The following EYS variants were observed in gnomAD, a reference collection of about 807,000 sequenced individuals.
The protein encoded by EYS is EGF-like photoreceptor maintenance factor, also known as protein eyes shut homolog.
A neutral mutation model predicts 282.1 loss-of-function variants in EYS; 250 were observed. The ratio of observed to expected loss-of-function variants is 0.89; its 90% confidence interval spans 0.80 to 0.98. The LOEUF (loss-of-function observed/expected upper bound fraction) is 0.98, where lower values mean the gene tolerates loss of function less well. EYS is among the 50% of genes least tolerant of loss of function. EYS has a pLI of 0.00. For synonymous variants in EYS, 1,355 were observed against 1,282.9 expected, an observed-to-expected ratio of 1.06 and a Z score of -1.20; for missense variants, 4,016 against 3,709.0, an observed-to-expected ratio of 1.08 and a Z score of -2.15.
Position 63,967,773 on chromosome 6 carries a change from C to T in EYS, c.7055+16610G>A, listed in dbSNP as rs141828301. 3.9e-3 allele frequency among the ~76,000 whole-genome samples: 590 copies of T among 152,228 alleles called. 4 individuals carry two copies. Among genetic ancestry groups the T allele is most frequent in the African/African-American group, 0.013 (549 of 41,544 alleles). On this transcript the variant is annotated intron_variant, in intron 35 of 42. Transcript: ENST00000503581. ...ATTCTCTCTTTTTCAACATTCTGTG[C>T]AGATATAATAAAATGTCCTTGCATT...
At position 63,778,090 on chromosome 6, in the gene EYS, C is replaced by T; in HGVS notation, c.7814G>A (p.Ser2605Asn). 3 of 1,551,760 alleles carry T rather than the reference C, an allele frequency of 1.9e-6. No homozygotes were observed. In the South Asian group the frequency reaches 3.6e-5, roughly 18 times the overall value. The change falls in exon 40 of 43, where the codon AGT becomes AAT. Residue 2605 changes from serine (S) to asparagine (N), a missense_variant. Ser to Asn is a conservative substitution (Grantham distance 46). Coordinates refer to ENST00000503581, the MANE Select transcript of EYS (RefSeq NM_001142800.2). ...GGGAGAAGCATGACACTGGCCAACA[C>T]TGCGTCCAGCATTTGGGTGGCCCTC... is the stretch of plus-strand genomic sequence containing the variant. ...NPEGHPNAGR[S>N]VGQCHASPCS...
intron 22 of EYS, among the ~76,000 whole-genome samples, chr6:64,803,220 C>T (rs1455984108): frequency 6.6e-6 from 1 of 152,100 alleles, no homozygotes; most frequent in African/African-American, 2.4e-5. Context: ...AGCTCCTTTC[C>T]AGCTCTCTGC....
chr6:63,812,448 G>A lies in EYS; in HGVS notation c.7229-6076C>T, dbSNP rs544528954. On this transcript the variant is annotated intron_variant, in intron 36 of 42. Coordinates refer to ENST00000503581, the MANE Select transcript of EYS (RefSeq NM_001142800.2). ...CTTGTGCCCTGCCCTTCCCAACCCC[G>A]TACTCTCTAGTCTCTTAACCTGCTT... 4.6e-5 allele frequency among the ~76,000 whole-genome samples: 7 copies of A among 151,928 alleles called. No homozygotes were observed. In the East Asian group the frequency reaches 5.8e-4, roughly 13 times the overall value.
intron 2 of EYS, among the ~76,000 whole-genome samples, chr6:65,549,730 C>A (rs1269985846): frequency 6.6e-6 from 1 of 151,946 alleles, no homozygotes; most frequent in Non-Finnish European, 1.5e-5. Flanking sequence ...GGGCTTAATG[C>A]CTCAGCTCAT....
chr6:65,623,762 C>T (rs569345278), intron 2 of EYS, among the ~76,000 whole-genome samples: 1 of 152,280 alleles, frequency 6.6e-6, no homozygotes, highest in East Asian at 1.9e-4. Context: ...TGATGTCTAA[C>T]ATGCAGTAGA....
intron 1 of EYS, among the ~76,000 whole-genome samples, chr6:65,649,013 G>T (rs1767556856): frequency 6.6e-6 from 1 of 151,490 alleles, no homozygotes; most frequent in Non-Finnish European, 1.5e-5. Context: ...GGGCATGGTG[G>T]CACACACCTG....
intron 5 of EYS, among the ~76,000 whole-genome samples, chr6:65,458,492 C>A (rs1386654157): frequency 6.6e-6 from 1 of 152,072 alleles, no homozygotes; most frequent in Admixed American, 6.6e-5. Context: ...TACCTAAAAA[C>A]AGCATAATTT....
intron 30 of EYS, among the ~76,000 whole-genome samples, chr6:64,277,833 C>T (rs1452946055): frequency 2.6e-5 from 4 of 152,096 alleles, no homozygotes; most frequent in Admixed American, 1.3e-4. Flanking sequence ...GAGCAAATAG[C>T]ATCTAGTCTA....
chr6:63,899,461 T>C (rs1773610248), intron 35 of EYS, among the ~76,000 whole-genome samples: 1 of 152,202 alleles, frequency 6.6e-6, no homozygotes, highest in Admixed American at 6.5e-5. Flanking sequence ...TAAGGTACTT[T>C]ATGATATGAA....
At chr6:64,176,616 C>A (rs946802648) in intron 31 of EYS, among the ~76,000 whole-genome samples, 1 of 151,464 alleles carries the variant, frequency 6.6e-6, no homozygotes, top group Non-Finnish European at 1.5e-5. Flanking sequence ...GAAAAAAATC[C>A]TTTTTCATTC....
At chr6:65,685,953 G>C (rs1178345487) in intron 1 of EYS, among the ~76,000 whole-genome samples, 1 of 151,968 alleles carries the variant, frequency 6.6e-6, no homozygotes, top group African/African-American at 2.4e-5. Flanking sequence ...GTGCTTCCCA[G>C]ATCTCCGTTC....
At chr6:65,346,286 A>G (rs933156129) in intron 9 of EYS, among the ~76,000 whole-genome samples, 2 of 151,810 alleles carry the variant, frequency 1.3e-5, no homozygotes, top group Non-Finnish European at 2.9e-5. Flanking sequence ...AACGAGAGAG[A>G]ACAAATCTTT....
At chr6:64,633,933 C>T (rs987887833) in intron 22 of EYS, among the ~76,000 whole-genome samples, 2 of 152,080 alleles carry the variant, frequency 1.3e-5, no homozygotes, top group East Asian at 1.9e-4. Context: ...ACAAGCTGCT[C>T]TTAAATTCTT....
Position 64,506,045 on chromosome 6 carries a change from T to C in EYS, c.5645-66693A>G, listed in dbSNP as rs1582831261. Among the ~76,000 whole-genome samples, 4 of 152,198 alleles carry C rather than the reference T, an allele frequency of 2.6e-5. No homozygotes were observed. The East Asian group carries it at 7.7e-4, about 29-fold the overall frequency. On this transcript the variant is annotated intron_variant, in intron 26 of 42. Coordinates refer to ENST00000503581, the MANE Select transcript of EYS (RefSeq NM_001142800.2). ...ATTCACAGTATAATTGGGAAAGTCATGCAATCTCCTGAAAATCTTACTTCC... is the reference window on the plus strand; with the variant it reads ...ATTCACAGTATAATTGGGAAAGTCACGCAATCTCCTGAAAATCTTACTTCC...
intron 35 of EYS, among the ~76,000 whole-genome samples, chr6:63,965,977 C>T (rs1766289669): frequency 6.6e-6 from 1 of 152,168 alleles, no homozygotes; most frequent in East Asian, 1.9e-4. Flanking sequence ...GCTCTGTGAG[C>T]TTGAGCAAAG....
chr6:64,203,225 G>A (rs570789485), intron 31 of EYS, among the ~76,000 whole-genome samples: 12 of 152,298 alleles, frequency 7.9e-5, no homozygotes, highest in African/African-American at 2.6e-4. Flanking sequence ...AAGCCAGTTC[G>A]TGAACAGAGT....
At chr6:64,143,937 A>T (rs1002105876) in intron 31 of EYS, among the ~76,000 whole-genome samples, 1 of 152,158 alleles carries the variant, frequency 6.6e-6, no homozygotes, top group Non-Finnish European at 1.5e-5. Context: ...GAGCAGGTTA[A>T]CTTCTGAAAT....
intron 19 of EYS, among the ~76,000 whole-genome samples, chr6:64,881,750 T>C (rs1313173884): frequency 6.6e-6 from 1 of 151,830 alleles, no homozygotes; most frequent in African/African-American, 2.4e-5. Flanking sequence ...ATATTGGCTA[T>C]TAAAATTTGC....
At chr6:64,117,893 C>T (rs1367975752) in intron 31 of EYS, among the ~76,000 whole-genome samples, 13 of 151,886 alleles carry the variant, frequency 8.6e-5, no homozygotes, top group African/African-American at 3.1e-4. Context: ...AAATAAGTAG[C>T]ATTTCTGTAT....
Sources: allele counts gnomAD v4.1 joint callset (sites outside exome capture counted in the v4.1 genomes callset), GRCh38; gene constraint gnomAD v4.1.1; transcripts MANE v1.5; gene names NCBI Gene and HGNC (gene_info 2026-07-23, HGNC 2026-07-21).